The following LARGE1 variants were observed in gnomAD, a reference collection of about 807,000 sequenced individuals.
LARGE1 encodes LARGE xylosyl- and glucuronyltransferase 1.
LARGE1 carries 43 observed loss-of-function variants against 87.6 expected under a neutral mutation model. The ratio of observed to expected loss-of-function variants is 0.49; its 90% CI spans 0.38 to 0.63. The LOEUF is 0.63. LARGE1 is among the 30% of genes least tolerant of loss of function. The probability of loss-of-function intolerance (pLI) is 0.00; values close to 1 mark genes in which losing one functional copy is unlikely to be tolerated. For synonymous variants in LARGE1, 434 were observed against 394.6 expected, an observed-to-expected ratio of 1.10 and a Z score of -1.18; for missense variants, 802 against 1,000.2, an observed-to-expected ratio of 0.80 and a Z score of 2.67.
intron 7 of LARGE1, among the ~76,000 whole-genome samples, chr22:33,396,457 G>C (rs9798747): frequency 7.1e-6 from 1 of 140,358 alleles, no homozygotes; most frequent in South Asian, 2.4e-4. Context: ...GAGACAGAGA[G>C]AGTGACAGAG....
At chr22:33,792,086 T>C (rs1385975332) in intron 1 of LARGE1, among the ~76,000 whole-genome samples, 1 of 152,128 alleles carries the variant, frequency 6.6e-6, no homozygotes, top group Non-Finnish European at 1.5e-5. Context: ...GTGTTCAGAC[T>C]CAGAGACGTC....
chr22:33,259,038 TG>T (rs1312810401), intron 11 of LARGE1, among the ~76,000 whole-genome samples: 1 of 151,946 alleles, frequency 6.6e-6, no homozygotes, highest in East Asian at 1.9e-4. Context: ...CCACCACACC[TG>T]GCTAATATAT....
At chr22:33,510,180 C>T (rs569568869) in intron 6 of LARGE1, among the ~76,000 whole-genome samples, 30 of 152,222 alleles carry the variant, frequency 2.0e-4, no homozygotes, top group African/African-American at 6.5e-4. Context: ...TATTAGGCAC[C>T]GACCATGCAC....
At position 33,239,914 on chromosome 22, in the gene LARGE1, T is replaced by C. The variant is rs545294783; in HGVS notation, c.1730+64315A>G. Among the ~76,000 whole-genome samples the C allele has an allele frequency of 3.3e-5, 5 of 152,324 alleles. No homozygotes were observed. In the South Asian group the frequency reaches 8.3e-4, roughly 25 times the overall value. The stretch of plus-strand genomic sequence containing the variant: ...ATTATAAACTCTAGCACTAATCTTA[T>C]GTCAGTTAAATGCATAGCAAATATC... On this transcript the variant is annotated intron_variant, in intron 11 of 11. Transcript: ENST00000608642.
intron 3 of LARGE1, among the ~76,000 whole-genome samples, chr22:33,636,990 C>A (rs1379817824): frequency 6.6e-6 from 1 of 152,062 alleles, no homozygotes; most frequent in Non-Finnish European, 1.5e-5. Flanking sequence ...AGGTCTGAGC[C>A]CCAAATTTCC....
At position 33,702,238 on chromosome 22, in the gene LARGE1, T is replaced by C. The variant is rs114352653; in HGVS notation, c.107-51570A>G. On this transcript the variant is annotated intron_variant, in intron 2 of 14. Coordinates refer to ENST00000397394, the MANE Select transcript of LARGE1 (RefSeq NM_133642.5). The stretch of plus-strand genomic sequence containing the variant: ...GTGCAGACACATAGTAGGCATTCAA[T>C]ATGCATTTGCTGAATGTAATCTGCA... Among the ~76,000 whole-genome samples, 308 of 152,330 alleles carry C rather than the reference T, an allele frequency of 2.0e-3. 2 individuals are homozygous for C. Among genetic ancestry groups the C allele is most frequent in the African/African-American group, 7.2e-3 (298 of 41,584 alleles).
At chr22:33,586,160 G>A (rs371791764) in intron 5 of LARGE1, among the ~76,000 whole-genome samples, 11 of 152,024 alleles carry the variant, frequency 7.2e-5, no homozygotes, top group African/African-American at 1.9e-4. Context: ...ATTTTTTTCC[G>A]TAGCACAGGG....
chr22:33,697,553 A>AAAAAAAG, intron 2 of LARGE1, among the ~76,000 whole-genome samples: 1 of 149,316 alleles, frequency 6.7e-6, no homozygotes, highest in East Asian at 1.9e-4. Flanking sequence ...CTGTCCCAAA[A>AAAAAAAG]AAAAAAAAAA....
chr22:33,458,524 C>G (rs1353312503), intron 6 of LARGE1, among the ~76,000 whole-genome samples: 1 of 152,054 alleles, frequency 6.6e-6, no homozygotes, highest in African/African-American at 2.4e-5. Context: ...CTCCGCTTCC[C>G]GGGTTCAAGC....
chr22:33,478,854 C>T (rs753554280), intron 6 of LARGE1, among the ~76,000 whole-genome samples: 12 of 152,134 alleles, frequency 7.9e-5, no homozygotes, highest in Admixed American at 5.9e-4. Flanking sequence ...GAGAGGGCAT[C>T]GCTAACTATC....
chr22:33,212,002 T>C (rs1291087117), intron 11 of LARGE1, among the ~76,000 whole-genome samples: 2 of 152,064 alleles, frequency 1.3e-5, no homozygotes, highest in African/African-American at 4.8e-5. Flanking sequence ...CTAGCAGAGA[T>C]TGGTTCATGA....
chr22:33,535,574 G>C (rs768580521), intron 6 of LARGE1, among the ~76,000 whole-genome samples: 19 of 151,856 alleles, frequency 1.3e-4, no homozygotes, highest in Non-Finnish European at 2.4e-4. Context: ...AAAAAATGCA[G>C]CAATATGCAG....
At chr22:33,585,005 T>C (rs2078628828) in intron 5 of LARGE1, among the ~76,000 whole-genome samples, 1 of 152,112 alleles carries the variant, frequency 6.6e-6, no homozygotes, top group Non-Finnish European at 1.5e-5. Context: ...TAATCCCAGC[T>C]GCTCCAGAGG....
chr22:33,913,367 G>GTTAA (rs1569030776), intron 1 of LARGE1, among the ~76,000 whole-genome samples: 1 of 152,206 alleles, frequency 6.6e-6, no homozygotes, highest in Non-Finnish European at 1.5e-5. Flanking sequence ...CAGAACAGTA[G>GTTAA]TTAAATAAGT....
chr22:33,579,853 C>T (rs2267234), intron 5 of LARGE1, among the ~76,000 whole-genome samples: 3 of 151,982 alleles, frequency 2.0e-5, no homozygotes, highest in Non-Finnish European at 1.5e-5. Context: ...ATTCTAACTG[C>T]GGAAGATCAA....
chr22:33,579,881 C>T (rs1350684860), intron 5 of LARGE1, among the ~76,000 whole-genome samples: 1 of 152,230 alleles, frequency 6.6e-6, no homozygotes, highest in Non-Finnish European at 1.5e-5. Flanking sequence ...CTTAATAGCA[C>T]AGCTCTGTAA....
At chr22:33,107,542 G>C in the LARGE1 span, among the ~76,000 whole-genome samples, 11 of 150,160 alleles carry the variant, frequency 7.3e-5, no homozygotes, top group Admixed American at 7.3e-4. Context: ...GTTACAGAGC[G>C]AGACTTTGTC....
chr22:33,914,214 G>T (rs2065719915), intron 1 of LARGE1, among the ~76,000 whole-genome samples: 1 of 152,084 alleles, frequency 6.6e-6, no homozygotes, highest in South Asian at 2.1e-4. Flanking sequence ...CACACATTTG[G>T]AGGCATCAAA....
intron 7 of LARGE1, among the ~76,000 whole-genome samples, chr22:33,388,861 G>A (rs919953477): frequency 6.6e-6 from 1 of 151,948 alleles, no homozygotes; most frequent in Non-Finnish European, 1.5e-5. Context: ...GAGCCACCAC[G>A]CCTGGCCAAT....
Sources: allele counts gnomAD v4.1 joint callset (sites outside exome capture counted in the v4.1 genomes callset), GRCh38; gene constraint gnomAD v4.1.1; transcripts MANE v1.5; gene names NCBI Gene and HGNC (gene_info 2026-07-23, HGNC 2026-07-21).